Variants in CA10 observed in about 807,000 individuals in gnomAD.
The protein encoded by CA10 is carbonic anhydrase 10 (inactive).
CA10 carries 14 observed loss-of-function variants against 44.2 expected under a neutral mutation model. The ratio of observed to expected loss-of-function variants is 0.32; its 90% CI spans 0.21 to 0.50. CA10 has a LOEUF of 0.50. Ranked by LOEUF, CA10 falls within the 20% of genes least tolerant of loss-of-function variation. The probability of loss-of-function intolerance (pLI) is 0.99; values close to 1 mark genes in which losing one functional copy is unlikely to be tolerated. For missense variants in CA10, 350 were observed against 409.7 expected (o/e 0.85, Z 1.26); for synonymous variants, 159 against 141.6 (o/e 1.12, Z -0.87).
intron 1 of CA10, among the ~76,000 whole-genome samples, chr17:52,074,919 T>C (rs1354069243): frequency 6.6e-6 from 1 of 152,140 alleles, no homozygotes; most frequent in Non-Finnish European, 1.5e-5. Flanking sequence ...ATGTTAAAAT[T>C]ATATTACATT....
chr17:51,852,621 C>T (rs1978846060), intron 3 of CA10, among the ~76,000 whole-genome samples: 2 of 152,122 alleles, frequency 1.3e-5, no homozygotes. Context: ...CTGAGTTAAA[C>T]ACTTGGGCTG....
At chr17:52,108,653 T>C (rs1041658869) in intron 1 of CA10, among the ~76,000 whole-genome samples, 5 of 141,742 alleles carry the variant, frequency 3.5e-5, no homozygotes, top group African/African-American at 1.3e-4. Context: ...TGAGCAAAGA[T>C]TGAGCCATTG....
chr17:51,975,872 G>GAAAAA (rs139387796), intron 2 of CA10, among the ~76,000 whole-genome samples: 1 of 98,142 alleles, frequency 1.0e-5, no homozygotes, highest in African/African-American at 3.9e-5. Context: ...CTCTGTCTCG[G>GAAAAA]AAAAAAAAAA....
intron 1 of CA10, among the ~76,000 whole-genome samples, chr17:52,095,068 T>C (rs1459740382): frequency 6.6e-6 from 1 of 152,154 alleles, no homozygotes; most frequent in Non-Finnish European, 1.5e-5. Flanking sequence ...GAACAACCCA[T>C]ATGTCTACTG....
intron 3 of CA10, among the ~76,000 whole-genome samples, chr17:51,782,335 CA>C (rs1467752722): frequency 6.6e-6 from 1 of 152,208 alleles, no homozygotes; most frequent in Non-Finnish European, 1.5e-5. Context: ...TCCCATCCAT[CA>C]CACAAGCACC....
intron 1 of CA10, among the ~76,000 whole-genome samples, 186 bp downstream of exon 1, chr17:52,157,540 C>A (rs1357540324): frequency 3.8e-5 from 5 of 130,382 alleles, no homozygotes; most frequent in African/African-American, 8.7e-5. Flanking sequence ...CCCCCCCCCG[C>A]AAAACACACA....
intron 2 of CA10, among the ~76,000 whole-genome samples, chr17:52,042,920 T>G (rs1986811896): frequency 6.6e-6 from 1 of 152,102 alleles, no homozygotes; most frequent in Admixed American, 6.6e-5. Flanking sequence ...CATAGGTTTA[T>G]TTCTGGTCTC....
At chr17:51,634,353 C>G (rs1912729667) in intron 7 of CA10, among the ~76,000 whole-genome samples, 1 of 152,176 alleles carries the variant, frequency 6.6e-6, no homozygotes, top group South Asian at 2.1e-4. Flanking sequence ...GCCTGTCACC[C>G]AGTGGGTCCC....
rs577930425 is a variant in CA10, at chr17:51,767,416, T to C, written c.280-19598A>G. 1.3e-4 allele frequency among the ~76,000 whole-genome samples: 20 copies of C among 152,338 alleles called. No individual in the cohort carries two copies. In the South Asian group the frequency reaches 3.5e-3, roughly 27 times the overall value. Reference sequence around the variant, plus strand: ...AAAGTTGCAAAGATAGTACACAGATTTCCATATATCCCTCACCCAGCTTCC... The same window carrying C: ...AAAGTTGCAAAGATAGTACACAGATCTCCATATATCCCTCACCCAGCTTCC... On this transcript the variant is annotated intron_variant, in intron 3 of 8. Coordinates refer to ENST00000451037, the MANE Select transcript of CA10 (RefSeq NM_020178.5).
At chr17:52,138,828 CT>C (rs1989415438) in intron 1 of CA10, among the ~76,000 whole-genome samples, 1 of 152,094 alleles carries the variant, frequency 6.6e-6, no homozygotes, top group Non-Finnish European at 1.5e-5. Flanking sequence ...ACCTCAAGTG[CT>C]TTAATAAAAA....
intron 3 of CA10, among the ~76,000 whole-genome samples, chr17:51,792,947 G>T (rs758467821): frequency 1.3e-5 from 2 of 152,172 alleles, no homozygotes; most frequent in African/African-American, 2.4e-5. Context: ...TAAGCAACTT[G>T]CCCAAGGTTG....
intron 3 of CA10, among the ~76,000 whole-genome samples, chr17:51,877,538 T>C (rs1331509296): frequency 6.6e-6 from 1 of 152,172 alleles, no homozygotes; most frequent in African/African-American, 2.4e-5. Flanking sequence ...CTGTAATGCA[T>C]TAGCAGAACT....
intron 4 of CA10, among the ~76,000 whole-genome samples, chr17:51,672,101 T>G (rs1230569170): frequency 2.6e-5 from 4 of 152,188 alleles, no homozygotes; most frequent in Non-Finnish European, 5.9e-5. Flanking sequence ...CATAAGTTAG[T>G]GCATGTAAAA....
chr17:51,967,057 A>G (rs1261759549), intron 2 of CA10, among the ~76,000 whole-genome samples: 1 of 151,920 alleles, frequency 6.6e-6, no homozygotes, highest in Non-Finnish European at 1.5e-5. Flanking sequence ...ATGAACAGCC[A>G]CTTCTCAAAA....
intron 1 of CA10, among the ~76,000 whole-genome samples, chr17:52,120,454 AT>A (rs1988991306): frequency 6.6e-6 from 1 of 151,724 alleles, no homozygotes; most frequent in Non-Finnish European, 1.5e-5. Flanking sequence ...CCTTATCCTT[AT>A]CCTTATCCTT....
intron 2 of CA10, among the ~76,000 whole-genome samples, chr17:52,061,696 T>C (rs1987390882): frequency 6.6e-6 from 1 of 152,094 alleles, no homozygotes; most frequent in Non-Finnish European, 1.5e-5. Flanking sequence ...TCTCTCTCCT[T>C]CCTCCATGTG....
chr17:51,801,249 G>A (rs1243246972), intron 3 of CA10, among the ~76,000 whole-genome samples: 1 of 152,154 alleles, frequency 6.6e-6, no homozygotes, highest in Non-Finnish European at 1.5e-5. Flanking sequence ...GTTTGGGTGA[G>A]GAGTAGTCAG....
At chr17:51,854,727 T>TTATGA (rs1284437117) in intron 3 of CA10, among the ~76,000 whole-genome samples, 2 of 152,136 alleles carry the variant, frequency 1.3e-5, no homozygotes, top group African/African-American at 2.4e-5. Flanking sequence ...GCCACGTGGC[T>TTATGA]TATGACCTAA....
At chr17:51,880,425 C>T (rs1980311469) in intron 3 of CA10, among the ~76,000 whole-genome samples, 1 of 152,116 alleles carries the variant, frequency 6.6e-6, no homozygotes, top group Non-Finnish European at 1.5e-5. Context: ...TCCTCCTCAG[C>T]CTAACAAGTA....
Sources: gnomAD v4.1 joint callset for allele counts (sites outside exome capture counted in the v4.1 genomes callset) on GRCh38, gnomAD v4.1.1 for gene constraint, MANE v1.5 for transcripts, NCBI Gene and HGNC (gene_info 2026-07-23, HGNC 2026-07-21) for gene names.